ZFP91: variants seen among roughly 807,000 people sequenced by gnomAD.
ZFP91 encodes the protein ZFP91 zinc finger protein, atypical E3 ubiquitin ligase.
Under a neutral mutation model 63.5 loss-of-function variants are expected in ZFP91, and 7 were observed. The observed-to-expected ratio is 0.11, with a 90% CI of 0.06 to 0.21. ZFP91 has a LOEUF of 0.21. Ranked by LOEUF, ZFP91 falls within the 10% of genes least tolerant of loss-of-function variation. The pLI, the probability that ZFP91 is intolerant of heterozygous loss-of-function variation, is 1.00. For missense variants in ZFP91, 628 were observed against 736.6 expected (o/e 0.85, Z 1.71); for synonymous variants, 330 against 272.1 (o/e 1.21, Z -2.10).
At position 58,617,150 on chromosome 11, in the gene ZFP91, T is replaced by C. The variant is rs772019591; in HGVS notation, c.1203-46T>C. 40 of 1,523,724 alleles carry C rather than the reference T, an allele frequency of 2.6e-5. No individual in the cohort carries two copies. The highest frequency in any genetic ancestry group is 3.4e-5 in the Non-Finnish European group (39 of 1,139,816). 94.4% of individuals were successfully genotyped at this position (1,523,724 alleles called of 1,614,324 possible). ...ACCCTGATCCTGAATAAGAGCACTC[T>C]TTATTTCTCTGTTGGATCAGCCATT... On this transcript the variant is annotated intron_variant, in intron 10 of 10. Coordinates refer to ENST00000316059, the MANE Select transcript of ZFP91 (RefSeq NM_053023.5). The surrounding 1 kb of genome is among the most constrained non-coding windows in gnomAD (Gnocchi z 4.2).
At chr11:58,610,855 AG>A in intron 4 of ZFP91, 94 bp from the exon 5 acceptor site, 1 of 1,032,246 alleles carries the variant, frequency 9.7e-7, no homozygotes, top group East Asian at 2.6e-5. Context: ...TGACTTTATC[AG>A]TGTTTGGCTA....
intron 9 of ZFP91, among the ~76,000 whole-genome samples, chr11:58,615,034 A>ATG (rs769039138): frequency 2.0e-5 from 3 of 152,188 alleles, no homozygotes; most frequent in Admixed American, 1.3e-4. Context: ...TTGTAGAAAT[A>ATG]TGTCTCCTGC....
chr11:58,611,703 G>C lies in ZFP91; in HGVS notation c.822G>C (p.Glu274Asp), dbSNP rs909722652. The C allele has an allele frequency of 1.2e-6, 2 of 1,611,826 alleles. No homozygotes were observed. Among genetic ancestry groups the C allele is most frequent in the Middle Eastern group, 1.7e-4 (1 of 5,978 alleles). ...TAGAGGTGGAGGTGAAAGAAGAGGAGAATGAAATTAGAGAGGATGAGGAAC... is the reference window on the plus strand; with the variant it reads ...TAGAGGTGGAGGTGAAAGAAGAGGACAATGAAATTAGAGAGGATGAGGAAC... ...VEVEVEVKEE[E>D]NEIREDEEPP... Residue 274 changes from glutamate (E) to aspartate (D), a missense_variant, in exon 6 of 11, where the codon GAG becomes GAC. This residue lies in a region of ZFP91 where 437 missense variants were observed against 380.3 expected (regional missense o/e 1.15). Coordinates refer to ENST00000316059, the MANE Select transcript of ZFP91 (RefSeq NM_053023.5).
chr11:58,616,028 C>A (rs543784537), intron 9 of ZFP91, among the ~76,000 whole-genome samples: 1 of 152,152 alleles, frequency 6.6e-6, no homozygotes, highest in Non-Finnish European at 1.5e-5. Context: ...GATTCCACAC[C>A]GTGTTACCAC....
Position 58,579,564 on chromosome 11 carries a change from C to T in ZFP91, c.283C>T (p.Gln95Ter). 6.3e-7 allele frequency: 1 copy of T among 1,584,554 alleles called. No individual in the cohort carries two copies. The highest frequency in any genetic ancestry group is 2.5e-5 in the East Asian group (1 of 40,416). ...SARPPDVPGQ[Q>*]PQAAKSPSPV... ...CAGGCCTCCCGACGTCCCCGGGCAG[C>T]AGCCCCAGGCCGCGAAGTCCCCGTC... is the stretch of plus-strand genomic sequence containing the variant. Residue 95 changes from glutamine (Q) to a stop codon, truncating the protein, a stop_gained, in exon 1 of 11, where the codon CAG becomes TAG. Coordinates refer to ENST00000316059, the MANE Select transcript of ZFP91 (RefSeq NM_053023.5). LOFTEE classifies it high-confidence loss of function.
At chr11:58,581,088 G>A (rs1855106357) in intron 1 of ZFP91, among the ~76,000 whole-genome samples, 1 of 152,168 alleles carries the variant, frequency 6.6e-6, no homozygotes, top group African/African-American at 2.4e-5. Context: ...AATACAGTGT[G>A]TAAAGTGCTA....
intron 2 of ZFP91, among the ~76,000 whole-genome samples, chr11:58,596,435 T>C: frequency 6.6e-6 from 1 of 152,234 alleles, no homozygotes; most frequent in East Asian, 1.9e-4. Flanking sequence ...AGGGCAGATA[T>C]CATAGAAGGG....
intron 1 of ZFP91, among the ~76,000 whole-genome samples, chr11:58,583,174 GTTAAAATGTATAAGGC>G (rs1355924659): frequency 6.6e-6 from 1 of 152,000 alleles, no homozygotes; most frequent in Non-Finnish European, 1.5e-5. Flanking sequence ...TTAAGACTAG[GTTAAAATGTATAAGGC>G]TTTTTTTCAT....
chr11:58,593,243 C>T (rs1855338566), intron 2 of ZFP91, among the ~76,000 whole-genome samples: 1 of 152,188 alleles, frequency 6.6e-6, no homozygotes, highest in Non-Finnish European at 1.5e-5. Context: ...TTGAATGAAA[C>T]TCTAAGTTTA....
chr11:58,600,220 CAA>C (rs35606453), intron 2 of ZFP91, among the ~76,000 whole-genome samples: 12 of 151,546 alleles, frequency 7.9e-5, no homozygotes, highest in Non-Finnish European at 1.2e-4. Flanking sequence ...CAATTTCTAC[CAA>C]AAAGGAAGCT....
intron 5 of ZFP91, 106 bp from the exon 6 acceptor site, chr11:58,611,498 A>G: frequency 1.5e-6 from 2 of 1,357,666 alleles, no homozygotes; most frequent in African/African-American, 1.5e-5. Flanking sequence ...GAACTGAGGA[A>G]GGTAGTTTTA....
At chr11:58,611,387 G>A in intron 5 of ZFP91, 1 of 577,546 alleles carries the variant, frequency 1.7e-6, no homozygotes. Flanking sequence ...TGATTTACAG[G>A]CATCTTTAGT....
chr11:58,585,825 G>T (rs758077655), intron 2 of ZFP91, among the ~76,000 whole-genome samples: 6 of 152,156 alleles, frequency 3.9e-5, no homozygotes, highest in Non-Finnish European at 5.9e-5. Context: ...CCTGGATTTT[G>T]TGCCATATGG....
In ZFP91 at chr11:58,579,339, G is replaced by A; in HGVS notation, c.58G>A (p.Glu20Lys). 1.3e-6 allele frequency: 2 copies of A among 1,495,506 alleles called. No homozygotes were observed. Among genetic ancestry groups the A allele is most frequent in the Non-Finnish European group, 8.9e-7 (1 of 1,126,930 alleles). 92.6% of individuals were successfully genotyped at this position (1,495,506 alleles called of 1,614,324 possible). Residue 20 changes from glutamate (E) to lysine (K), a missense_variant, in exon 1 of 11, where the codon GAG becomes AAG. Transcript: ENST00000316059. Reference protein sequence around the residue: ...PPEQQDQEGGEAAKAAPEEPQ... With the variant: ...PPEQQDQEGGKAAKAAPEEPQ... ...GGAGCAGCAGGACCAGGAAGGGGGA[G>A]AGGCGGCCAAGGCGGCTCCGGAGGA...
intron 1 of ZFP91, 49 bp downstream of exon 1, chr11:58,579,671 C>T (rs772049749): frequency 5.5e-6 from 8 of 1,466,728 alleles, no homozygotes; most frequent in Non-Finnish European, 7.2e-6. Context: ...TCTGTCCGTA[C>T]GCAACCCTCT....
intron 6 of ZFP91, 185 bp downstream of exon 6, chr11:58,611,923 T>G (rs1855671582): frequency 3.0e-6 from 2 of 663,042 alleles, no homozygotes; most frequent in South Asian, 2.8e-5. Flanking sequence ...AAAAAATGTT[T>G]AGGTTTTTCA....
At chr11:58,610,811 A>G (rs1445758004) in intron 4 of ZFP91, 139 bp from the exon 5 acceptor site, 5 of 622,510 alleles carry the variant, frequency 8.0e-6, no homozygotes, top group Non-Finnish European at 1.1e-5. Context: ...GCTAGATTTC[A>G]GTCCAATTAG....
chr11:58,609,123 T>A (rs1855615789), intron 2 of ZFP91, among the ~76,000 whole-genome samples: 1 of 152,214 alleles, frequency 6.6e-6, no homozygotes, highest in Admixed American at 6.5e-5. Context: ...ACGCCAGGTA[T>A]GAAAGCCAGT....
At chr11:58,616,020 T>A (rs1855743660) in intron 9 of ZFP91, among the ~76,000 whole-genome samples, 3 of 152,208 alleles carry the variant, frequency 2.0e-5, no homozygotes, top group Non-Finnish European at 4.4e-5. Context: ...TCCTCATAGA[T>A]TCCACACCGT....
Sources: allele counts gnomAD v4.1 joint callset (sites outside exome capture counted in the v4.1 genomes callset), GRCh38; gene constraint gnomAD v4.1.1; regional missense constraint gnomAD v4.1.1; non-coding constraint Gnocchi (gnomAD v3.1); transcripts MANE v1.5; gene names NCBI Gene and HGNC (gene_info 2026-07-23, HGNC 2026-07-21).